The following DNAJC10 variants were observed in gnomAD, a reference collection of about 807,000 sequenced individuals.
The protein encoded by DNAJC10 is DnaJ heat shock protein family (Hsp40) member C10.
DNAJC10 carries 101 observed loss-of-function variants against 115.0 expected under a neutral mutation model. The ratio of observed to expected loss-of-function variants is 0.88; its 90% CI spans 0.75 to 1.04. The LOEUF (loss-of-function observed/expected upper bound fraction) is 1.04. Among genes scored for constraint, DNAJC10 ranks in the 50% least tolerant of loss-of-function variants. The pLI, the probability that DNAJC10 is intolerant of heterozygous loss-of-function variation, is 0.00. For synonymous variants in DNAJC10, 307 were observed against 301.5 expected, an observed-to-expected ratio of 1.02 and a Z score of -0.19; for missense variants, 981 against 928.8, an observed-to-expected ratio of 1.06 and a Z score of -0.73.
chr2:182,730,429 G>A (rs148976005), intron 8 of DNAJC10: 1 of 311,476 alleles, frequency 3.2e-6, no homozygotes, highest in African/African-American at 2.2e-5. Context: ...CTATTAAATA[G>A]TGGGGCTGCA....
At position 182,781,129 on chromosome 2, in the gene DNAJC10, C is replaced by G. The variant is rs528321318; in HGVS notation, c.*3997C>G. On this transcript the variant is annotated 3_prime_UTR_variant, in exon 24 of 24. Transcript: ENST00000264065. ...TTGTCCTTCCCCTTGCCCCCTACCC[C>G]GCCGACAGGCCCCATTGTTGATGTT... 6.6e-6 allele frequency: 1 copy of G among 152,180 alleles called. No homozygotes were observed. Among genetic ancestry groups the G allele is most frequent in the East Asian group, 1.9e-4 (1 of 5,172 alleles). The allele number at this position is 152,180 out of a possible 1,614,324, so 9.4% of individuals were successfully genotyped here.
chr2:182,739,162 TGA>T (rs1491554723), intron 11 of DNAJC10, among the ~76,000 whole-genome samples: 1 of 108,886 alleles, frequency 9.2e-6, no homozygotes, highest in East Asian at 2.4e-4. Context: ...AGAATGTTTA[TGA>T]TATATATATA....
At chr2:182,751,967 G>C in intron 15 of DNAJC10, 105 bp from the exon 16 acceptor site, 1 of 1,214,924 alleles carries the variant, frequency 8.2e-7, no homozygotes, top group Non-Finnish European at 1.2e-6. Flanking sequence ...AAGGTTTGCC[G>C]CTAAGTACAG....
chr2:182,729,013 A>AT lies in DNAJC10; in HGVS notation c.633+25dup, dbSNP rs766005248. The AT allele has an allele frequency of 1.4e-5, 22 of 1,611,532 alleles. No homozygotes were observed. Among genetic ancestry groups the AT allele is most frequent in the Non-Finnish European group, 1.9e-5 (22 of 1,178,500 alleles). On this transcript the variant is annotated intron_variant, in intron 7 of 23. Transcript: ENST00000264065. ...TGGAATGGTAAGGGATAAAGTTAGC[A>AT]TTTTTTAAATTTGTGAAACATTATG...
At chr2:182,761,010 A>G (rs939075200) in intron 21 of DNAJC10, among the ~76,000 whole-genome samples, 5 of 152,146 alleles carry the variant, frequency 3.3e-5, no homozygotes, top group Non-Finnish European at 7.4e-5. Context: ...AAACATGAAA[A>G]AGACCATTTA....
chr2:182,782,558 A>C lies in DNAJC10; in HGVS notation c.*5426A>C, dbSNP rs1694873036. Reference sequence around the variant, plus strand: ...AATTCTTCCTATCCATGAGCATGGAATGCTTTTTCCATTTGTTTCTGTCCT... The same window carrying C: ...AATTCTTCCTATCCATGAGCATGGACTGCTTTTTCCATTTGTTTCTGTCCT... On this transcript the variant is annotated 3_prime_UTR_variant, in exon 24 of 24. Transcript: ENST00000264065. 6.6e-6 allele frequency: 1 copy of C among 152,176 alleles called. No individual in the cohort carries two copies. The highest frequency in any genetic ancestry group is 2.4e-5 in the African/African-American group (1 of 41,436). The allele number at this position is 152,176 out of a possible 1,614,324, so 9.4% of individuals were successfully genotyped here. A position where few individuals can be genotyped will look rare whatever the true frequency, so the allele number is the denominator to read the frequency against.
At chr2:182,719,069 G>C (rs1431125930) in intron 3 of DNAJC10, among the ~76,000 whole-genome samples, 1 of 151,142 alleles carries the variant, frequency 6.6e-6, no homozygotes, top group African/African-American at 2.4e-5. Context: ...TCTATTTAAG[G>C]TTTTTATTTT....
At chr2:182,752,234 A>G in intron 16 of DNAJC10, 46 bp downstream of exon 16, 1 of 1,063,932 alleles carries the variant, frequency 9.4e-7, no homozygotes, top group South Asian at 2.0e-5. Flanking sequence ...TTATAAAATG[A>G]AGACCTTTTG....
chr2:182,743,298 CT>C (rs1399549750), intron 13 of DNAJC10, among the ~76,000 whole-genome samples: 2 of 152,194 alleles, frequency 1.3e-5, no homozygotes, highest in East Asian at 3.8e-4. Flanking sequence ...GATCTCTCCT[CT>C]ATCTCAAGAT....
chr2:182,759,652 T>A (rs2105684064), intron 21 of DNAJC10, among the ~76,000 whole-genome samples: 1 of 152,224 alleles, frequency 6.6e-6, no homozygotes, highest in Admixed American at 6.5e-5. Context: ...CCCCTAAATG[T>A]CTTTCAAATG....
At chr2:182,733,456 C>T (rs924882597) in intron 10 of DNAJC10, among the ~76,000 whole-genome samples, 1 of 151,638 alleles carries the variant, frequency 6.6e-6, no homozygotes, top group African/African-American at 2.4e-5. Context: ...AAAACCATGT[C>T]CCCCAGACCA....
chr2:182,748,782 T>C (rs1050112044), intron 14 of DNAJC10, among the ~76,000 whole-genome samples: 1 of 152,208 alleles, frequency 6.6e-6, no homozygotes, highest in Non-Finnish European at 1.5e-5. Context: ...TGCTTTCTCT[T>C]GTGGGCATTT....
chr2:182,726,521 A>T (rs1287457274), intron 5 of DNAJC10, among the ~76,000 whole-genome samples: 1 of 152,188 alleles, frequency 6.6e-6, no homozygotes, highest in African/African-American at 2.4e-5. Flanking sequence ...ACTGTGGGTC[A>T]GATGCCATCA....
intron 18 of DNAJC10, 90 bp downstream of exon 18, chr2:182,756,559 A>G (rs768189369): frequency 3.6e-5 from 45 of 1,242,094 alleles, no homozygotes; most frequent in Non-Finnish European, 5.1e-5. Flanking sequence ...GAATGAACCC[A>G]CAACTAAATT....
rs1288327079 is a variant in DNAJC10, at chr2:182,728,598, A to G, written c.441A>G (p.Glu147=). The G allele has an allele frequency of 6.2e-7, 1 of 1,612,062 alleles. No homozygotes were observed. Among genetic ancestry groups the G allele is most frequent in the Non-Finnish European group, 8.5e-7 (1 of 1,178,774 alleles). The change falls in exon 6 of 24, where the codon GAA becomes GAG. Residue 147 remains glutamate, a synonymous_variant. Transcript: ENST00000264065. The part of the protein sequence containing the change: ...REFDAAVNSG[E]LWFVNFYSPG... ...TAGATGCTGCTGTTAATTCTGGAGA[A>G]CTGTGGTTTGTAAATTTTTACTCCC...
chr2:182,753,673 C>G (rs924903458), intron 16 of DNAJC10, among the ~76,000 whole-genome samples: 5 of 149,976 alleles, frequency 3.3e-5, no homozygotes, highest in South Asian at 4.2e-4. Context: ...AGCTCCACCC[C>G]CCGGGTTCAT....
rs542206542 is a variant in DNAJC10, at chr2:182,770,792, C to G, written c.2266-4524C>G. ...ACTTCCTCATTTCCTAATTGAATAC[C>G]CTTTATTTCTTTTTCTTGCCTAATT... On this transcript the variant is annotated intron_variant, in intron 22 of 23. Transcript: ENST00000264065. Among the ~76,000 whole-genome samples the G allele has an allele frequency of 2.1e-3, 325 of 152,176 alleles. 2 individuals are homozygous for G. Among genetic ancestry groups the G allele is most frequent in the Non-Finnish European group, 3.1e-3 (210 of 68,004 alleles).
intron 19 of DNAJC10, among the ~76,000 whole-genome samples, chr2:182,758,037 A>G (rs1275995480): frequency 2.6e-5 from 4 of 152,188 alleles, no homozygotes; most frequent in African/African-American, 7.2e-5. Flanking sequence ...AGACAAAAAG[A>G]TAAGGAAAGG....
At chr2:182,756,774 G>A (rs1384653021) in intron 18 of DNAJC10, among the ~76,000 whole-genome samples, 1 of 152,032 alleles carries the variant, frequency 6.6e-6, no homozygotes, top group African/African-American at 2.4e-5. Flanking sequence ...TAGTAGCTGG[G>A]ATTACAGGCA....
Sources: gnomAD v4.1 joint callset for allele counts (sites outside exome capture counted in the v4.1 genomes callset) on GRCh38, gnomAD v4.1.1 for gene constraint, MANE v1.5 for transcripts, NCBI Gene and HGNC (gene_info 2026-07-23, HGNC 2026-07-21) for gene names.